Variants in DYNC2H1 observed in about 807,000 individuals in gnomAD.
The protein encoded by DYNC2H1 is dynein cytoplasmic 2 heavy chain 1.
A neutral mutation model predicts 570.0 loss-of-function variants in DYNC2H1; 410 were observed. That is an observed-to-expected ratio of 0.72 (90% CI 0.66 to 0.78). The LOEUF is 0.78. DYNC2H1 is among the 30% of genes least tolerant of loss of function. The probability of loss-of-function intolerance (pLI) is 0.00; values close to 1 mark genes in which losing one functional copy is unlikely to be tolerated. For synonymous variants in DYNC2H1, 1,688 were observed against 1,677.6 expected (o/e 1.01, Z -0.15); for missense variants, 4,865 against 5,046.4 (o/e 0.96, Z 1.09).
In DYNC2H1 at chr11:103,179,035, C is replaced by G. The variant is rs768951961; in HGVS notation, c.6149C>G (p.Ser2050Ter). 2 of 1,607,316 alleles carry G rather than the reference C, an allele frequency of 1.2e-6. No homozygotes were observed. Among genetic ancestry groups the G allele is most frequent in the Admixed American group, 1.7e-5 (1 of 59,884 alleles). ...QVVREPQDVS[S>*]WIICDGDIDP... ...TTTGATTTGAAAATAGATGTCAGCT[C>G]ATGGATAATCTGTGATGGTGATATT... Residue 2050 changes from serine to a stop codon, truncating the protein, a stop_gained, in exon 39 of 89, where the codon TCA becomes TGA. Transcript: ENST00000375735. LOFTEE classifies it high-confidence loss of function.
chr11:103,216,860 A>G (rs1051010211), intron 55 of DYNC2H1, among the ~76,000 whole-genome samples: 1 of 152,156 alleles, frequency 6.6e-6, no homozygotes, highest in African/African-American at 2.4e-5. Flanking sequence ...ACAATTTGAA[A>G]CAGGTTCAAA....
intron 24 of DYNC2H1, 62 bp from the exon 25 acceptor site, chr11:103,155,269 C>T (rs1426570290): frequency 1.6e-5 from 23 of 1,443,356 alleles, no homozygotes; most frequent in Non-Finnish European, 1.9e-5. Context: ...TACTAATTTG[C>T]ATTTTGCTAA....
At chr11:103,169,635 A>G (rs1390828107) in intron 32 of DYNC2H1, among the ~76,000 whole-genome samples, 1 of 152,192 alleles carries the variant, frequency 6.6e-6, no homozygotes, top group Non-Finnish European at 1.5e-5. Context: ...ACAGTTTAGT[A>G]GAAACTTTGA....
At chr11:103,392,636 C>G (rs1411569877) in intron 83 of DYNC2H1, among the ~76,000 whole-genome samples, 1 of 152,150 alleles carries the variant, frequency 6.6e-6, no homozygotes, top group Non-Finnish European at 1.5e-5. Context: ...CCACCCCTAT[C>G]TTATTGGCTT....
In DYNC2H1 at chr11:103,156,753, A is replaced by G. The variant is rs1461686979; in HGVS notation, c.4110A>G (p.Arg1370=). The change falls in exon 26 of 89, where the codon AGA becomes AGG. Residue 1370 remains arginine, a synonymous_variant. Coordinates refer to ENST00000375735, the MANE Select transcript of DYNC2H1 (RefSeq NM_001377.3). ...ALPKEQTRFN[R]VDEDFRSIMT... is the part of the protein sequence containing the mutation. ...CAAAAGAACAGACACGCTTCAACAG[A>G]GTTGATGAAGATTTTAGGTCAGTAC... The G allele has an allele frequency of 6.2e-7, 1 of 1,609,028 alleles. No homozygotes were observed. The highest frequency in any genetic ancestry group is 1.3e-5 in the African/African-American group (1 of 74,452).
Position 103,285,215 on chromosome 11 carries a change from A to G in DYNC2H1, c.10891-1040A>G, listed in dbSNP as rs926784557. Among the ~76,000 whole-genome samples the G allele has an allele frequency of 7.9e-5, 12 of 152,246 alleles. No individual in the cohort carries two copies. In the South Asian group the frequency reaches 2.5e-3, roughly 32 times the overall value. On this transcript the variant is annotated intron_variant, in intron 73 of 88. Transcript: ENST00000375735. ...CAGTATAGTACTGGGCTCAATTCTG[A>G]ATATAGCATGGACAAGTGGGAATTT...
chr11:103,257,619 C>T lies in DYNC2H1; in HGVS notation c.10473C>T (p.Ala3491=). The change falls in exon 69 of 89, where the codon GCC becomes GCT. Residue 3491 remains alanine, a synonymous_variant. Coordinates refer to ENST00000375735, the MANE Select transcript of DYNC2H1 (RefSeq NM_001377.3). ...CTCTTGATCCATAGGAACGGGATGC[C>T]TATCTCCCCCTGGCTGAGAGTGCCA... The part of the protein sequence containing the change: ...LQISLDQERD[A]YLPLAESASK... 1 of 1,610,958 alleles carries T rather than the reference C, an allele frequency of 6.2e-7. No homozygotes were observed. Among genetic ancestry groups the T allele is most frequent in the South Asian group, 1.1e-5 (1 of 90,534 alleles).
At chr11:103,148,678 T>C (rs1300926675) in intron 20 of DYNC2H1, 61 bp downstream of exon 20, 10 of 1,499,512 alleles carry the variant, frequency 6.7e-6, no homozygotes, top group African/African-American at 1.4e-5. Flanking sequence ...ATGTTTAAAT[T>C]AGGTAATTTT....
In DYNC2H1 at chr11:103,305,182, G is replaced by A. The variant is rs1867226557; in HGVS notation, c.11382+462G>A. ...TAAGACAGGACAAGTCACTGGATGG[G>A]CTTTACATGCAAACCTAGATTTTAT... On this transcript the variant is annotated intron_variant, in intron 77 of 88. Transcript: ENST00000375735. The surrounding 1 kb of genome is among the most constrained non-coding windows in gnomAD (Gnocchi z 4.3). 1.3e-5 allele frequency among the ~76,000 whole-genome samples: 2 copies of A among 152,162 alleles called. No homozygotes were observed.
rs999609387 is a variant in DYNC2H1, at chr11:103,163,615, G to T, written c.4611+468G>T. Among the ~76,000 whole-genome samples the T allele has an allele frequency of 2.0e-5, 3 of 152,120 alleles. No individual in the cohort carries two copies. The highest frequency in any genetic ancestry group is 2.0e-4 in the Admixed American group (3 of 15,272). ...ATTACAGAGATGGCTGCAGCTCAGG[G>T]TTAATAGGAGTTCATCCCTGAACAC... is the stretch of plus-strand genomic sequence containing the variant. On this transcript the variant is annotated intron_variant, in intron 30 of 88. Transcript: ENST00000375735. The surrounding 1 kb of genome is among the most constrained non-coding windows in gnomAD (Gnocchi z 4.6).
At chr11:103,427,690 A>T (rs1347981495) in intron 84 of DYNC2H1, among the ~76,000 whole-genome samples, 1 of 152,024 alleles carries the variant, frequency 6.6e-6, no homozygotes, top group Non-Finnish European at 1.5e-5. Flanking sequence ...AGAGAAAGCA[A>T]GCCCTCTCAT....
chr11:103,159,258 C>T (rs138945620), intron 28 of DYNC2H1, among the ~76,000 whole-genome samples: 89 of 152,140 alleles, frequency 5.8e-4, no homozygotes, highest in African/African-American at 2.1e-3. Context: ...TGCTATAGGT[C>T]CATCTGTGAG....
In DYNC2H1 at chr11:103,229,212, C is replaced by A. The variant is rs796723298; in HGVS notation, c.9354-2048C>A. Among the ~76,000 whole-genome samples the A allele has an allele frequency of 3.3e-5, 5 of 152,282 alleles. No individual in the cohort carries two copies. The South Asian group carries it at 8.3e-4, about 25-fold the overall frequency. Reference sequence around the variant, plus strand: ...TAAGTTTTTTGGTATCTCAGGGAGCCTGCAGTGGTGACCCAGTTCCTTCAA... The same window carrying A: ...TAAGTTTTTTGGTATCTCAGGGAGCATGCAGTGGTGACCCAGTTCCTTCAA... On this transcript the variant is annotated intron_variant, in intron 59 of 88. Transcript: ENST00000375735.
rs530256884 is a variant in DYNC2H1, at chr11:103,444,752, C to A, written c.12456+8720C>A. On this transcript the variant is annotated intron_variant, in intron 85 of 88. Transcript: ENST00000375735. ...TAAGAGAGCAAACCTTAAAATGTAT[C>A]TGAGGGAAAAACAAATCCAGGTAGA... 8.3e-4 allele frequency among the ~76,000 whole-genome samples: 127 copies of A among 152,208 alleles called. No homozygotes were observed. The Middle Eastern group carries it at 0.014, about 16-fold the overall frequency.
chr11:103,154,364 AG>A (rs1860709417), intron 22 of DYNC2H1, 86 bp from the exon 23 acceptor site: 5 of 1,175,040 alleles, frequency 4.3e-6, no homozygotes, highest in Non-Finnish European at 5.9e-6. Flanking sequence ...CACACATACA[AG>A]GATTGCAGTT....
intron 81 of DYNC2H1, among the ~76,000 whole-genome samples, chr11:103,321,469 G>C (rs968093021): frequency 6.6e-6 from 1 of 152,060 alleles, no homozygotes; most frequent in Non-Finnish European, 1.5e-5. Flanking sequence ...CTGGTATATA[G>C]ACAGATCTTG....
In DYNC2H1 at chr11:103,283,070, C is replaced by T. The variant is rs745497465; in HGVS notation, c.10875C>T (p.Ala3625=). Reference sequence around the variant, plus strand: ...GGATAGATCAGGAACGAAGCTGGGCCGTGGCAACATTAAAGGTATTCCTTT... The same window carrying T: ...GGATAGATCAGGAACGAAGCTGGGCTGTGGCAACATTAAAGGTATTCCTTT... ...PSWIDQERSW[A]VATLKIALPS... is the part of the protein sequence containing the mutation. Residue 3625 remains alanine (A), a synonymous_variant, in exon 73 of 89, where the codon GCC becomes GCT. Transcript: ENST00000375735. The T allele has an allele frequency of 1.5e-5, 24 of 1,605,822 alleles. No homozygotes were observed. Among genetic ancestry groups the T allele is most frequent in the East Asian group, 4.5e-5 (2 of 44,692 alleles).
At chr11:103,242,338 G>A (rs1864454536) in intron 63 of DYNC2H1, among the ~76,000 whole-genome samples, 1 of 152,014 alleles carries the variant, frequency 6.6e-6, no homozygotes, top group African/African-American at 2.4e-5. Context: ...TGTAATAAAA[G>A]TTAAGTGAAT....
In DYNC2H1 at chr11:103,166,001, A is replaced by G; in HGVS notation, c.4715A>G (p.Glu1572Gly). Residue 1572 changes from glutamate to glycine, a missense_variant, in exon 31 of 89, where the codon GAG (glutamate) becomes GGG (glycine). Glu to Gly is a moderately conservative substitution (Grantham distance 98). This residue lies in a region of DYNC2H1 where 1,936 missense variants were observed against 1,962.1 expected (regional missense o/e 0.99). Transcript: ENST00000375735. The part of the protein sequence containing the change: ...QIETQLVNKL[E>G]QYTNIDTSSE... ...GAAACACAACTGGTGAATAAGTTAG[A>G]GCAATATACTAACATTGATACAAGT... 2 of 1,536,692 alleles carry G rather than the reference A, an allele frequency of 1.3e-6. No individual in the cohort carries two copies. Among genetic ancestry groups the G allele is most frequent in the Admixed American group, 2.0e-5 (1 of 49,526 alleles).
Sources: allele counts gnomAD v4.1 joint callset (sites outside exome capture counted in the v4.1 genomes callset), GRCh38; gene constraint gnomAD v4.1.1; regional missense constraint gnomAD v4.1.1; non-coding constraint Gnocchi (gnomAD v3.1); transcripts MANE v1.5; gene names NCBI Gene and HGNC (gene_info 2026-07-23, HGNC 2026-07-21).